SLMAP: variants seen among roughly 807,000 people sequenced by gnomAD.
SLMAP encodes the protein sarcolemmal membrane-associated protein.
A neutral mutation model predicts 128.8 loss-of-function variants in SLMAP; 44 were observed. The observed-to-expected ratio is 0.34, with a 90% confidence interval of 0.27 to 0.44. SLMAP has a LOEUF of 0.44. Ranked by LOEUF, SLMAP falls within the 20% of genes least tolerant of loss-of-function variation. The pLI is 1.00. For synonymous variants in SLMAP, 327 were observed against 348.8 expected (o/e 0.94, Z 0.70); for missense variants, 787 against 985.3 (o/e 0.80, Z 2.69).
At chr3:57,799,928 T>A (rs1014985079) in intron 2 of SLMAP, 2 of 152,172 alleles carry the variant, frequency 1.3e-5, no homozygotes, top group Non-Finnish European at 2.9e-5. Flanking sequence ...CTGATTCTAC[T>A]CTGGAGGCTA....
chr3:57,769,928 G>T (rs141389446), intron 2 of SLMAP, among the ~76,000 whole-genome samples: 1 of 152,228 alleles, frequency 6.6e-6, no homozygotes, highest in East Asian at 1.9e-4. Context: ...TGAGAGAAAT[G>T]GTTAAGATAT....
Position 57,778,110 on chromosome 3 carries a change from T to A in SLMAP, c.198+20261T>A, listed in dbSNP as rs146417740. On this transcript the variant is annotated intron_variant, in intron 2 of 24. Coordinates refer to ENST00000671191, the MANE Select transcript of SLMAP (RefSeq NM_001377540.1). Reference sequence around the variant, plus strand: ...TGAGAATTTACCAAAGGAAGCCATCTGGACCTATTTATGTTCTGTGGAATG... The same window carrying A: ...TGAGAATTTACCAAAGGAAGCCATCAGGACCTATTTATGTTCTGTGGAATG... Among the ~76,000 whole-genome samples, 33 of 152,384 alleles carry A rather than the reference T, an allele frequency of 2.2e-4. No individual in the cohort carries two copies. The East Asian group carries it at 6.2e-3, about 28-fold the overall frequency.
At chr3:57,874,550 G>A (rs549013425) in intron 14 of SLMAP, among the ~76,000 whole-genome samples, 3 of 151,564 alleles carry the variant, frequency 2.0e-5, no homozygotes, top group Non-Finnish European at 2.9e-5. Context: ...CTGAGACTCC[G>A]TCTCTTTGGG....
At chr3:57,892,185 C>T (rs996921345) in intron 15 of SLMAP, among the ~76,000 whole-genome samples, 3 of 152,088 alleles carry the variant, frequency 2.0e-5, no homozygotes, top group Non-Finnish European at 4.4e-5. Flanking sequence ...CATTTTAAAT[C>T]GAGCTATAAA....
intron 17 of SLMAP, among the ~76,000 whole-genome samples, chr3:57,906,462 C>T (rs1036199298): frequency 1.4e-5 from 2 of 148,044 alleles, no homozygotes; most frequent in Admixed American, 6.8e-5. Context: ...ATTACAGGCG[C>T]GCACCACCAC....
chr3:57,917,699 C>T (rs1350438591), intron 22 of SLMAP: 1 of 153,856 alleles, frequency 6.5e-6, no homozygotes, highest in Non-Finnish European at 1.4e-5. Flanking sequence ...TCTTCCTGAG[C>T]AAGAGAGGTG....
At chr3:57,896,776 G>A (rs934063211) in intron 16 of SLMAP, 97 bp from the exon 17 acceptor site, 8 of 1,417,572 alleles carry the variant, frequency 5.6e-6, no homozygotes, top group East Asian at 2.3e-5. Flanking sequence ...GAATATAATA[G>A]CTGTATCAAT....
intron 2 of SLMAP, among the ~76,000 whole-genome samples, chr3:57,762,650 AT>A (rs1358501168): frequency 6.8e-6 from 1 of 147,006 alleles, no homozygotes; most frequent in Non-Finnish European, 1.5e-5. Flanking sequence ...GGCCCTGTGT[AT>A]TATCCTTCAT....
chr3:57,778,570 CTTTT>C (rs1171049495), intron 2 of SLMAP, among the ~76,000 whole-genome samples: 3 of 115,102 alleles, frequency 2.6e-5, no homozygotes, highest in African/African-American at 6.1e-5. Context: ...TTCTTTCTTT[CTTTT>C]TTTTTTTTTT....
At chr3:57,831,686 AT>A (rs2093347420) in intron 3 of SLMAP, 156 bp downstream of exon 3, 1 of 216,932 alleles carries the variant, frequency 4.6e-6, no homozygotes, top group Non-Finnish European at 7.9e-6. Flanking sequence ...TACTTTCCGT[AT>A]TGCTCTTCTA....
intron 5 of SLMAP, 85 bp downstream of exon 5, chr3:57,847,318 AT>A (rs2094303239): frequency 4.2e-6 from 4 of 947,508 alleles, no homozygotes; most frequent in Admixed American, 2.0e-5. Flanking sequence ...TTACCTAGAA[AT>A]TTATTTCTCT....
At chr3:57,865,815 G>A (rs985198628) in intron 13 of SLMAP, among the ~76,000 whole-genome samples, 9 of 152,080 alleles carry the variant, frequency 5.9e-5, no homozygotes, top group Admixed American at 4.6e-4. Context: ...GGACAGCGTG[G>A]GTTCTCTCTT....
chr3:57,787,002 T>C (rs892287419), intron 2 of SLMAP, among the ~76,000 whole-genome samples: 5 of 152,178 alleles, frequency 3.3e-5, no homozygotes, highest in East Asian at 3.9e-4. Context: ...TCCCAAAGTG[T>C]TGGGATTACA....
intron 6 of SLMAP, 34 bp downstream of exon 6, chr3:57,849,850 A>C: frequency 8.3e-7 from 1 of 1,198,770 alleles, no homozygotes; most frequent in Non-Finnish European, 1.2e-6. Flanking sequence ...TTAAAAGCAG[A>C]ATTTCTTTTA....
intron 2 of SLMAP, among the ~76,000 whole-genome samples, chr3:57,770,539 G>A (rs1198068427): frequency 6.6e-6 from 1 of 152,196 alleles, no homozygotes; most frequent in Non-Finnish European, 1.5e-5. Flanking sequence ...GGGGGTAGTC[G>A]AGAACTGAAG....
At chr3:57,922,784 T>C (rs867163988) in intron 22 of SLMAP, 105 bp from the exon 23 acceptor site, 1 of 1,021,974 alleles carries the variant, frequency 9.8e-7, no homozygotes, top group South Asian at 1.6e-5. Flanking sequence ...TTGACTTTGG[T>C]GTTCCAGGTG....
intron 10 of SLMAP, among the ~76,000 whole-genome samples, chr3:57,864,214 C>T (rs919192417): frequency 7.9e-5 from 12 of 152,156 alleles, no homozygotes; most frequent in African/African-American, 2.9e-4. Flanking sequence ...TCGAGACCAG[C>T]CTGACCAACA....
intron 2 of SLMAP, among the ~76,000 whole-genome samples, chr3:57,823,413 C>T (rs2092681829): frequency 1.3e-5 from 2 of 152,026 alleles, no homozygotes; most frequent in African/African-American, 2.4e-5. Context: ...ATGTTCCCTT[C>T]CTGTGTCCAT....
chr3:57,761,155 GA>G (rs1336670665), intron 2 of SLMAP, among the ~76,000 whole-genome samples: 3 of 152,126 alleles, frequency 2.0e-5, no homozygotes, highest in Admixed American at 2.0e-4. Flanking sequence ...ATACTCAGCA[GA>G]GAGGGTGTTT....
Sources: gnomAD v4.1 joint callset for allele counts (sites outside exome capture counted in the v4.1 genomes callset) on GRCh38, gnomAD v4.1.1 for gene constraint, MANE v1.5 for transcripts, NCBI Gene and HGNC (gene_info 2026-07-23, HGNC 2026-07-21) for gene names.